NTMT2: variants seen among roughly 807,000 people sequenced by gnomAD.
NTMT2 encodes X-Pro-Lys N-terminal protein methyltransferase 1B.
NTMT2 carries 21 observed loss-of-function variants against 23.4 expected under a neutral mutation model. The observed-to-expected ratio is 0.90, with a 90% CI of 0.64 to 1.29. NTMT2 has a LOEUF of 1.29. NTMT2 is among the 50% of genes most tolerant of loss of function. The probability of loss-of-function intolerance (pLI) is 0.00; values close to 1 mark genes in which losing one functional copy is unlikely to be tolerated. For missense variants in NTMT2, 336 were observed against 352.0 expected, an observed-to-expected ratio of 0.95 and a Z score of 0.36; for synonymous variants, 131 against 127.7, an observed-to-expected ratio of 1.03 and a Z score of -0.17.
chr1:170,147,044 G>A (rs931203073), intron 1 of NTMT2, among the ~76,000 whole-genome samples: 5 of 152,332 alleles, frequency 3.3e-5, no homozygotes, highest in Admixed American at 6.5e-5. Flanking sequence ...CAAGAAGGCT[G>A]TGTATCAGCC....
chr1:170,148,693 C>G (rs999190374), intron 1 of NTMT2, among the ~76,000 whole-genome samples: 3 of 152,118 alleles, frequency 2.0e-5, no homozygotes, highest in Non-Finnish European at 4.4e-5. Flanking sequence ...TAGCTGAATA[C>G]ATAAAAAATA....
chr1:170,164,321 G>T (rs563086714), intron 2 of NTMT2, among the ~76,000 whole-genome samples: 1 of 152,228 alleles, frequency 6.6e-6, no homozygotes, highest in Non-Finnish European at 1.5e-5. Context: ...AGAGCAGCAT[G>T]ACCAATAGAG....
At chr1:170,150,410 C>T (rs1355435375) in intron 1 of NTMT2, among the ~76,000 whole-genome samples, 2 of 152,140 alleles carry the variant, frequency 1.3e-5, no homozygotes, top group Non-Finnish European at 2.9e-5. Context: ...TATATTATCT[C>T]AGTTCATTTT....
intron 1 of NTMT2, chr1:170,151,610 C>T (rs1322928948): frequency 6.6e-6 from 1 of 152,480 alleles, no homozygotes; most frequent in Non-Finnish European, 1.5e-5. Flanking sequence ...TTATCATTAC[C>T]TGTGCAATAC....
Position 170,152,756 on chromosome 1 carries a change from C to T in NTMT2, c.154+6495C>T, listed in dbSNP as rs555228297. ...ATGAAAAATATAATGAGGAGGGTAA[C>T]ATTTATTGAGCTTCTACTCTAAACC... On this transcript the variant is annotated intron_variant, in intron 1 of 3. Coordinates refer to ENST00000439373, the MANE Select transcript of NTMT2 (RefSeq NM_001136107.2). Among the ~76,000 whole-genome samples the T allele has an allele frequency of 2.0e-5, 3 of 152,160 alleles. No homozygotes were observed. In the East Asian group the frequency reaches 5.8e-4, roughly 29 times the overall value.
At chr1:170,152,182 A>G (rs1557905227) in intron 1 of NTMT2, among the ~76,000 whole-genome samples, 1 of 152,336 alleles carries the variant, frequency 6.6e-6, no homozygotes, top group East Asian at 1.9e-4. Flanking sequence ...CTTATCCTGA[A>G]GAGTTTAGTG....
rs916052704 is a variant in NTMT2 at position 170,160,575 on chromosome 1, G to C, written c.212G>C (p.Arg71Thr). Residue 71 changes from arginine to threonine, a missense_variant, in exon 2 of 4, where the codon AGA (arginine) becomes ACA (threonine). Coordinates refer to ENST00000439373, the MANE Select transcript of NTMT2 (RefSeq NM_001136107.2). ...VINGEMQFYA[R>T]AKLFYQEVPA... ...AATGGTGAGATGCAGTTCTATGCCA[G>C]AGCTAAACTTTTCTACCAAGAAGTA... 9.1e-5 allele frequency: 141 copies of C among 1,551,494 alleles called. No homozygotes were observed. The highest frequency in any genetic ancestry group is 1.2e-4 in the Non-Finnish European group (137 of 1,146,948).
In NTMT2 at chr1:170,167,646, C is replaced by T. The variant is rs12075997; in HGVS notation, c.741C>T (p.Ser247=). The change falls in exon 4 of 4, where the codon AGC becomes AGT. Residue 247 remains serine, a synonymous_variant. Coordinates refer to ENST00000439373, the MANE Select transcript of NTMT2 (RefSeq NM_001136107.2). ...SVTRDMDILR[S]LIRKSGLVVL... Reference sequence around the variant, plus strand: ...CTCGGGACATGGACATCCTCCGGAGCCTAATAAGGAAGAGTGGGCTGGTGG... The same window carrying T: ...CTCGGGACATGGACATCCTCCGGAGTCTAATAAGGAAGAGTGGGCTGGTGG... The T allele has an allele frequency of 0.066, 102,939 of 1,551,514 alleles. 3,848 individuals carry two copies. The highest frequency in any genetic ancestry group is 0.11 in the African/African-American group (8,157 of 73,094).
intron 1 of NTMT2, among the ~76,000 whole-genome samples, chr1:170,148,211 C>T (rs1185469009): frequency 8.0e-6 from 1 of 124,794 alleles, no homozygotes; most frequent in African/African-American, 3.1e-5. Context: ...TGCAGTGGTG[C>T]AATCTCGGCT....
At chr1:170,156,211 A>AT (rs1313093976) in intron 1 of NTMT2, among the ~76,000 whole-genome samples, 2 of 152,014 alleles carry the variant, frequency 1.3e-5, no homozygotes, top group Non-Finnish European at 2.9e-5. Context: ...TGCCCAGCGC[A>AT]TTTTTTTGTA....
intron 1 of NTMT2, among the ~76,000 whole-genome samples, chr1:170,148,849 A>C (rs1253887722): frequency 6.6e-6 from 1 of 152,218 alleles, no homozygotes; most frequent in Non-Finnish European, 1.5e-5. Flanking sequence ...CAAATAGAGC[A>C]GCCAAAGTTT....
At chr1:170,152,717 C>CCA (rs397973545) in intron 1 of NTMT2, among the ~76,000 whole-genome samples, 2 of 151,852 alleles carry the variant, frequency 1.3e-5, no homozygotes, top group African/African-American at 4.8e-5. Flanking sequence ...ATCCCCCCCC[C>CCA]ACCACCATTG....
chr1:170,160,047 A>T (rs1673247246), intron 1 of NTMT2, among the ~76,000 whole-genome samples: 1 of 152,210 alleles, frequency 6.6e-6, no homozygotes, highest in South Asian at 2.1e-4. Context: ...TGCTTGAAAA[A>T]GATATAAAAA....
At chr1:170,150,787 C>T (rs1438383734) in intron 1 of NTMT2, among the ~76,000 whole-genome samples, 4 of 151,726 alleles carry the variant, frequency 2.6e-5, no homozygotes, top group African/African-American at 7.3e-5. Context: ...TTGGTGTGAA[C>T]AAATTTTCAA....
chr1:170,161,960 C>T (rs949725387), intron 2 of NTMT2, among the ~76,000 whole-genome samples: 2 of 151,882 alleles, frequency 1.3e-5, no homozygotes, highest in African/African-American at 4.8e-5. Flanking sequence ...CGTGGTGTTG[C>T]GCGCCTGTAG....
At position 170,167,743 on chromosome 1, in the gene NTMT2, G is replaced by A. The variant is rs576340024; in HGVS notation, c.838G>A (p.Asp280Asn). 9.7e-6 allele frequency: 15 copies of A among 1,549,548 alleles called. No individual in the cohort carries two copies. In the African/African-American group the frequency reaches 1.2e-4, roughly 13 times the overall value. The change falls in exon 4 of 4, where the codon GAC becomes AAC. Residue 280 changes from aspartate to asparagine, a missense_variant. Physicochemically the swap from Asp to Asn is conservative, Grantham distance 23. Transcript: ENST00000439373. ...CGTGTGGATGTTCGCACTGCACAGC[G>A]ACAGACACTCCTGAAAAAGCAGTGG... ...IPVWMFALHS[D>N]RHS
chr1:170,151,112 C>T (rs889153326), intron 1 of NTMT2, among the ~76,000 whole-genome samples: 5 of 152,080 alleles, frequency 3.3e-5, no homozygotes, highest in Admixed American at 6.5e-5. Context: ...AACAGAAAGA[C>T]CAGAAGCTTT....
Position 170,168,738 on chromosome 1 carries a change from C to T in NTMT2, c.*981C>T, listed in dbSNP as rs565287658. ...AACATGGCTTGGTTCATTGCAGCTG[C>T]TCCTGGGGTCTTGATTGATATGAAT... On this transcript the variant is annotated 3_prime_UTR_variant, in exon 4 of 4. Transcript: ENST00000439373. 3.2e-4 allele frequency among the ~76,000 whole-genome samples: 48 copies of T among 152,298 alleles called. No homozygotes were observed. Among genetic ancestry groups the T allele is most frequent in the Non-Finnish European group, 5.6e-4 (38 of 68,036 alleles).
At chr1:170,157,889 T>G (rs1557907120) in intron 1 of NTMT2, 1 of 152,124 alleles carries the variant, frequency 6.6e-6, no homozygotes, top group Non-Finnish European at 1.5e-5. Context: ...TCTATTGCCT[T>G]GGATCTAGCT....
Sources: gnomAD v4.1 joint callset for allele counts (sites outside exome capture counted in the v4.1 genomes callset) on GRCh38, gnomAD v4.1.1 for gene constraint, MANE v1.5 for transcripts, NCBI Gene and HGNC (gene_info 2026-07-23, HGNC 2026-07-21) for gene names.